CLVS1: variants seen among roughly 807,000 people sequenced by gnomAD.
CLVS1 encodes clavesin-1.
CLVS1 carries 10 observed loss-of-function variants against 33.1 expected under a neutral mutation model. That is an observed-to-expected ratio of 0.30 (90% confidence interval 0.19 to 0.51). CLVS1 has a LOEUF of 0.51. CLVS1 is among the 20% of genes least tolerant of loss of function. CLVS1 has a pLI of 0.97. For missense variants in CLVS1, 343 were observed against 433.4 expected (o/e 0.79, Z 1.85); for synonymous variants, 163 against 166.1 (o/e 0.98, Z 0.14).
At chr8:61,281,853 A>G (rs1809677215) in intron 2 of CLVS1, among the ~76,000 whole-genome samples, 1 of 152,182 alleles carries the variant, frequency 6.6e-6, no homozygotes, top group Admixed American at 6.5e-5. Context: ...CTACTCCTAT[A>G]TCTCAAATCC....
chr8:61,340,754 C>T (rs1812001981), intron 2 of CLVS1, among the ~76,000 whole-genome samples: 1 of 152,120 alleles, frequency 6.6e-6, no homozygotes, highest in Non-Finnish European at 1.5e-5. Flanking sequence ...TTTGAGGACC[C>T]TCCATATTGT....
At chr8:61,182,394 A>T (rs2129300807) in intron 2 of CLVS1, among the ~76,000 whole-genome samples, 1 of 152,330 alleles carries the variant, frequency 6.6e-6, no homozygotes, top group South Asian at 2.1e-4. Context: ...GTGAAAAGGC[A>T]ACCTACAGAA....
In CLVS1 at chr8:61,316,871, A is replaced by G. The variant is rs149146435; in HGVS notation, c.455+16589A>G. Among the ~76,000 whole-genome samples the G allele has an allele frequency of 6.6e-3, 1,001 of 152,184 alleles. 11 individuals carry two copies. Among genetic ancestry groups the G allele is most frequent in the African/African-American group, 0.023 (947 of 41,512 alleles). On this transcript the variant is annotated intron_variant, in intron 2 of 5. Coordinates refer to ENST00000325897, the MANE Select transcript of CLVS1 (RefSeq NM_173519.3). Reference sequence around the variant, plus strand: ...GTTAATTTAAACACTCTGTGCCTCAATTTTCTCACCTATAAAATAAAGATA... The same window carrying G: ...GTTAATTTAAACACTCTGTGCCTCAGTTTTCTCACCTATAAAATAAAGATA...
chr8:61,219,865 A>T (rs763576002), intron 2 of CLVS1, among the ~76,000 whole-genome samples: 1 of 152,084 alleles, frequency 6.6e-6, no homozygotes, highest in Non-Finnish European at 1.5e-5. Flanking sequence ...ATGGTATCTC[A>T]TTGTGGTTTT....
At chr8:61,163,806 C>T (rs557958334) in intron 2 of CLVS1, among the ~76,000 whole-genome samples, 58 of 152,286 alleles carry the variant, frequency 3.8e-4, no homozygotes, top group African/African-American at 4.3e-4. Context: ...TACCAATGGG[C>T]GCCTTGCTGG....
At chr8:61,140,137 C>T (rs1286951159) in intron 2 of CLVS1, among the ~76,000 whole-genome samples, 1 of 152,170 alleles carries the variant, frequency 6.6e-6, no homozygotes, top group East Asian at 1.9e-4. Flanking sequence ...TAGCAGGAGG[C>T]GGTCACTGTG....
upstream of CLVS1, among the ~76,000 whole-genome samples, chr8:61,283,086 T>C (rs1226627113): frequency 1.3e-5 from 2 of 152,202 alleles, no homozygotes; most frequent in African/African-American, 4.8e-5. Context: ...ACTGTAGCAA[T>C]TCATCTGAGA....
intron 2 of CLVS1, among the ~76,000 whole-genome samples, chr8:61,248,644 T>TTATA (rs113770223): frequency 6.3e-4 from 94 of 149,156 alleles, no homozygotes; most frequent in African/African-American, 2.3e-3. Context: ...ACCAAGTCAT[T>TTATA]TATATATATA....
intron 2 of CLVS1, among the ~76,000 whole-genome samples, chr8:61,348,636 G>T (rs1420752818): frequency 6.6e-6 from 1 of 152,002 alleles, no homozygotes; most frequent in Non-Finnish European, 1.5e-5. Context: ...TGGACATTTA[G>T]GTTGATTTCA....
intron 1 of CLVS1, among the ~76,000 whole-genome samples, chr8:61,117,040 A>G (rs1805738834): frequency 8.0e-6 from 1 of 125,574 alleles, no homozygotes; most frequent in Admixed American, 8.5e-5. Flanking sequence ...ATCCTCTTTT[A>G]TTTCCTTGAG....
chr8:61,346,616 T>G (rs1237699910), intron 2 of CLVS1, among the ~76,000 whole-genome samples: 1 of 152,172 alleles, frequency 6.6e-6, no homozygotes, highest in Non-Finnish European at 1.5e-5. Context: ...AATATTATCC[T>G]TCCCTGATGC....
intron 2 of CLVS1, among the ~76,000 whole-genome samples, chr8:61,172,084 A>G (rs1807012793): frequency 1.3e-5 from 2 of 152,206 alleles, no homozygotes; most frequent in Admixed American, 6.5e-5. Flanking sequence ...ACTCTTCCCA[A>G]TCCCAAACTG....
chr8:61,399,036 C>T (rs565227158), intron 3 of CLVS1, among the ~76,000 whole-genome samples: 6 of 152,224 alleles, frequency 3.9e-5, no homozygotes, highest in Non-Finnish European at 8.8e-5. Context: ...CTTTATAATA[C>T]AATGATTTAC....
At position 61,426,288 on chromosome 8, in the gene CLVS1, G is replaced by A. The variant is rs1425500964; in HGVS notation, c.631-27853G>A. On this transcript the variant is annotated intron_variant, in intron 3 of 5. Transcript: ENST00000325897. The stretch of plus-strand genomic sequence containing the variant: ...TGCACAAATTCTTTGATGTGGGAAA[G>A]GCTTACCTAACAGACAATTCCTGCA... Among the ~76,000 whole-genome samples the A allele has an allele frequency of 2.0e-5, 3 of 152,200 alleles. No individual in the cohort carries two copies. In the East Asian group the frequency reaches 5.8e-4, roughly 29 times the overall value.
At chr8:61,159,461 A>C (rs1275211740) in intron 2 of CLVS1, among the ~76,000 whole-genome samples, 1 of 152,212 alleles carries the variant, frequency 6.6e-6, no homozygotes, top group Non-Finnish European at 1.5e-5. Flanking sequence ...CTTTGCAAAA[A>C]CTGCTGGATA....
the CLVS1 span, among the ~76,000 whole-genome samples, chr8:61,047,064 C>G: frequency 1.3e-4 from 19 of 151,890 alleles, no homozygotes; most frequent in Non-Finnish European, 2.9e-5. Context: ...CCCTGTCTTG[C>G]GCCAGTTTTC....
upstream of CLVS1, among the ~76,000 whole-genome samples, chr8:61,053,655 A>C (rs1804423758): frequency 6.6e-6 from 1 of 152,196 alleles, no homozygotes; most frequent in East Asian, 1.9e-4. Context: ...ATTGGTTCAG[A>C]GACGGGACAT....
At chr8:60,986,745 C>G in the CLVS1 span, among the ~76,000 whole-genome samples, 1 of 152,190 alleles carries the variant, frequency 6.6e-6, no homozygotes, top group Non-Finnish European at 1.5e-5. Flanking sequence ...CTAAAGGGCA[C>G]TGAAAGGAAC....
intron 2 of CLVS1, among the ~76,000 whole-genome samples, chr8:61,139,361 G>A (rs1806261495): frequency 6.6e-6 from 1 of 152,244 alleles, no homozygotes; most frequent in African/African-American, 2.4e-5. Flanking sequence ...AAATGAGCAG[G>A]TGATAGGAGT....
Sources: gnomAD v4.1 joint callset for allele counts (sites outside exome capture counted in the v4.1 genomes callset) on GRCh38, gnomAD v4.1.1 for gene constraint, MANE v1.5 for transcripts, NCBI Gene and HGNC (gene_info 2026-07-23, HGNC 2026-07-21) for gene names.